Variants in MCTP1 observed in about 807,000 individuals in gnomAD.
MCTP1 encodes the protein multiple C2 and transmembrane domain-containing protein 1.
MCTP1 carries 69 observed loss-of-function variants against 120.6 expected under a neutral mutation model. The ratio of observed to expected loss-of-function variants is 0.57; its 90% CI spans 0.47 to 0.70. The LOEUF is 0.70. Ranked by LOEUF, MCTP1 falls within the 30% of genes least tolerant of loss-of-function variation. MCTP1 has a pLI of 0.00. For synonymous variants in MCTP1, 529 were observed against 493.1 expected (o/e 1.07, Z -0.96); for missense variants, 1,203 against 1,248.8 (o/e 0.96, Z 0.55).
intron 8 of MCTP1, among the ~76,000 whole-genome samples, chr5:94,915,216 G>T (rs1009469312): frequency 6.6e-6 from 1 of 152,192 alleles, no homozygotes; most frequent in African/African-American, 2.4e-5. Flanking sequence ...AGGCTTCTTA[G>T]CCCCATTTTA....
intron 1 of MCTP1, among the ~76,000 whole-genome samples, chr5:95,269,120 T>C (rs916455539): frequency 3.9e-5 from 6 of 152,162 alleles, no homozygotes; most frequent in Admixed American, 6.6e-5. Flanking sequence ...GTCACAAAGA[T>C]TAAATGAAGT....
chr5:94,799,236 G>T, intron 17 of MCTP1, 104 bp from the exon 18 acceptor site: 1 of 1,002,500 alleles, frequency 1.0e-6, no homozygotes, highest in Non-Finnish European at 1.4e-6. Context: ...AAATGCTTCA[G>T]AACAGGAAGA....
chr5:95,207,054 T>C (rs1411318270), intron 1 of MCTP1, among the ~76,000 whole-genome samples: 1 of 152,206 alleles, frequency 6.6e-6, no homozygotes. Context: ...GTTATTGTTG[T>C]TGTTTTTACT....
chr5:95,276,676 G>A (rs955118318), intron 1 of MCTP1, among the ~76,000 whole-genome samples: 4 of 150,944 alleles, frequency 2.6e-5, no homozygotes, highest in African/African-American at 4.9e-5. Context: ...CAGGCCGGGC[G>A]CGGTGGCTCA....
chr5:95,224,700 T>C (rs1040682791), intron 1 of MCTP1, among the ~76,000 whole-genome samples: 3 of 152,040 alleles, frequency 2.0e-5, no homozygotes, highest in African/African-American at 7.2e-5. Flanking sequence ...CATAGAAATG[T>C]GGTTTCACTA....
intron 19 of MCTP1, among the ~76,000 whole-genome samples, chr5:94,773,201 C>G (rs1333230054): frequency 6.6e-6 from 1 of 152,134 alleles, no homozygotes; most frequent in Non-Finnish European, 1.5e-5. Context: ...CCAAACATCC[C>G]TCACCCCAGA....
intron 12 of MCTP1, among the ~76,000 whole-genome samples, chr5:94,879,870 A>G (rs1799689576): frequency 6.6e-6 from 1 of 152,152 alleles, no homozygotes; most frequent in South Asian, 2.1e-4. Flanking sequence ...CTCAATGTAA[A>G]TATGAATTTA....
chr5:95,134,171 G>A (rs772678467), intron 1 of MCTP1, among the ~76,000 whole-genome samples: 49 of 152,074 alleles, frequency 3.2e-4, no homozygotes, highest in Admixed American at 1.7e-3. Context: ...AATATTTATC[G>A]GATCATTATT....
intron 1 of MCTP1, among the ~76,000 whole-genome samples, chr5:95,045,894 T>TTCCC (rs919737683): frequency 1.3e-5 from 2 of 152,180 alleles, no homozygotes; most frequent in African/African-American, 4.8e-5. Flanking sequence ...CTGGCTCTGA[T>TTCCC]ATTTTCTTAG....
chr5:95,284,366 C>A lies in MCTP1; in HGVS notation c.210G>T (p.Arg70Ser), dbSNP rs373959393. ...TCCACCTGCTGCCTGCACCACTCCC[C>A]CTGGCCGGTGCATTCCCTGTGCCCA... ...PPVGTGNAPA[R>S]GSGAGSRWSG... Residue 70 changes from arginine to serine, a missense_variant, in exon 1 of 23, where the codon AGG (arginine) becomes AGT (serine). By Grantham distance (110) the Arg-to-Ser change is moderately radical (BLOSUM62 -1). Coordinates refer to ENST00000515393, the MANE Select transcript of MCTP1 (RefSeq NM_024717.7). This position sits in a 1 kb window ranked among gnomAD's most constrained non-coding sequence, Gnocchi z 5.2. 18 of 1,595,986 alleles carry A rather than the reference C, an allele frequency of 1.1e-5. No homozygotes were observed. Among genetic ancestry groups the A allele is most frequent in the Non-Finnish European group, 1.4e-5 (17 of 1,179,064 alleles).
intron 1 of MCTP1, among the ~76,000 whole-genome samples, chr5:95,154,720 C>T (rs1744902729): frequency 6.6e-6 from 1 of 151,842 alleles, no homozygotes; most frequent in African/African-American, 2.4e-5. Context: ...ATAAGTGAAA[C>T]AACGAAGAAA....
Position 94,780,556 on chromosome 5 carries a change from C to A in MCTP1, c.2557-1393G>T, listed in dbSNP as rs77152144. 4.9e-3 allele frequency among the ~76,000 whole-genome samples: 748 copies of A among 152,200 alleles called. 4 individuals are homozygous for A. The highest frequency in any genetic ancestry group is 0.018 in the African/African-American group (737 of 41,552). On this transcript the variant is annotated intron_variant, in intron 18 of 22. Coordinates refer to ENST00000515393, the MANE Select transcript of MCTP1 (RefSeq NM_024717.7). Reference sequence around the variant, plus strand: ...CTGTTAAATGGTAGAATTTTGAGGTCTTTCATTTGGACATTCAGCTTTCAA... The same window carrying A: ...CTGTTAAATGGTAGAATTTTGAGGTATTTCATTTGGACATTCAGCTTTCAA...
rs925589600 is a variant in MCTP1, at chr5:95,004,119, G to A, written c.838+13248C>T. On this transcript the variant is annotated intron_variant, in intron 2 of 22. Transcript: ENST00000515393. Reference sequence around the variant, plus strand: ...TTGCTGTGCTTTACCAAAGAGACTGGTGGCATTGCGTTTCTGCTCTATATA... The same window carrying A: ...TTGCTGTGCTTTACCAAAGAGACTGATGGCATTGCGTTTCTGCTCTATATA... 3.0e-4 allele frequency among the ~76,000 whole-genome samples: 46 copies of A among 152,202 alleles called. 1 individual carries two copies. The highest frequency in any genetic ancestry group is 4.4e-5 in the Non-Finnish European group (3 of 68,040).
chr5:95,028,740 T>A (rs1485004738), intron 1 of MCTP1, among the ~76,000 whole-genome samples: 1 of 152,262 alleles, frequency 6.6e-6, no homozygotes, highest in Non-Finnish European at 1.5e-5. Flanking sequence ...ATACAAATTT[T>A]GTTGAAGAAA....
intron 1 of MCTP1, among the ~76,000 whole-genome samples, chr5:95,038,714 T>C (rs1258192234): frequency 3.9e-5 from 6 of 152,238 alleles, no homozygotes; most frequent in Non-Finnish European, 8.8e-5. Context: ...AGGGACACAT[T>C]TATGCAGTGT....
chr5:94,870,575 T>C, intron 15 of MCTP1, 84 bp from the exon 16 acceptor site: 1 of 1,041,768 alleles, frequency 9.6e-7, no homozygotes, highest in Non-Finnish European at 1.5e-6. Flanking sequence ...TTGCAATAAT[T>C]TCTAAAGTTT....
At position 94,802,909 on chromosome 5, in the gene MCTP1, C is replaced by A. The variant is rs548644914; in HGVS notation, c.2437-3777G>T. On this transcript the variant is annotated intron_variant, in intron 17 of 22. Transcript: ENST00000515393. ...TTTAGAATTTTTTGATGTTACAGTG[C>A]GGTGATAAGGACACTCACAAATGTC... is the stretch of plus-strand genomic sequence containing the variant. Among the ~76,000 whole-genome samples the A allele has an allele frequency of 1.6e-4, 25 of 152,222 alleles. 1 individual carries two copies. The South Asian group carries it at 4.2e-3, about 25-fold the overall frequency.
At chr5:94,892,301 A>G (rs528347911) in intron 11 of MCTP1, among the ~76,000 whole-genome samples, 2 of 152,344 alleles carry the variant, frequency 1.3e-5, no homozygotes, top group East Asian at 3.9e-4. Flanking sequence ...CAATCCGGTC[A>G]AGGGACATTA....
chr5:94,784,408 T>G (rs1199620908), intron 18 of MCTP1, among the ~76,000 whole-genome samples: 1 of 152,074 alleles, frequency 6.6e-6, no homozygotes, highest in African/African-American at 2.4e-5. Flanking sequence ...TCAAATCACT[T>G]GAAAGTACCA....
Sources: allele counts gnomAD v4.1 joint callset (sites outside exome capture counted in the v4.1 genomes callset), GRCh38; gene constraint gnomAD v4.1.1; non-coding constraint Gnocchi (gnomAD v3.1); transcripts MANE v1.5; gene names NCBI Gene and HGNC (gene_info 2026-07-23, HGNC 2026-07-21).